ZNF316: variants seen among roughly 807,000 people sequenced by gnomAD.
ZNF316 encodes the protein zinc finger protein 316.
A neutral mutation model predicts 75.6 loss-of-function variants in ZNF316; 23 were observed. That is an observed-to-expected ratio of 0.30 (90% CI 0.22 to 0.43). The LOEUF (loss-of-function observed/expected upper bound fraction) is 0.43, where lower values mean the gene tolerates loss of function less well. Among genes scored for constraint, ZNF316 ranks in the 20% least tolerant of loss-of-function variants. The pLI is 1.00. For missense variants in ZNF316, 1,266 were observed against 1,409.4 expected, an observed-to-expected ratio of 0.90 and a Z score of 1.63; for synonymous variants, 827 against 666.2, an observed-to-expected ratio of 1.24 and a Z score of -3.72.
intron 8 of ZNF316, among the ~76,000 whole-genome samples, chr7:6,649,613 G>C (rs938881447): frequency 6.6e-6 from 1 of 152,144 alleles, no homozygotes; most frequent in East Asian, 1.9e-4. Flanking sequence ...GGGGCAGGCT[G>C]GTCTCCCTCT....
At position 6,642,417 on chromosome 7, in the gene ZNF316, C is replaced by T; in HGVS notation, c.8C>T (p.Ala3Val). ...GGCTCGCTCCCAGGGAGGATGGCGG[C>T]GCTCCACACGACTCCCGACTCCCCA... Reference protein sequence around the residue: MAALHTTPDSPAA... With the variant: MAVLHTTPDSPAA... The change falls in exon 5 of 9, where the codon GCG becomes GTG. Residue 3 changes from alanine (A) to valine (V), a missense_variant. Transcript: ENST00000382252. This position sits in a 1 kb window ranked among gnomAD's most constrained non-coding sequence, Gnocchi z 8.1. 4 of 1,232,108 alleles carry T rather than the reference C, an allele frequency of 3.2e-6. No homozygotes were observed. Among genetic ancestry groups the T allele is most frequent in the Non-Finnish European group, 4.0e-6 (4 of 988,074 alleles). The allele number at this position is 1,232,108 out of a possible 1,614,324, so 76.3% of individuals were successfully genotyped here. A position where few individuals can be genotyped will look rare whatever the true frequency, so the allele number is the denominator to read the frequency against.
In ZNF316 at chr7:6,654,590, C is replaced by T. The variant is rs1462269010; in HGVS notation, c.2994C>T (p.Ala998=). ...HQAAFAGPSG[A]YREGVL is the part of the protein sequence containing the mutation. ...CCGCGTTCGCCGGGCCCTCGGGCGCCTACCGGGAGGGCGTCCTGTGAGGGG... is the reference window on the plus strand; with the variant it reads ...CCGCGTTCGCCGGGCCCTCGGGCGCTTACCGGGAGGGCGTCCTGTGAGGGG... Residue 998 remains alanine (A), a synonymous_variant, in exon 9 of 9, where the codon GCC becomes GCT. Coordinates refer to ENST00000382252, the MANE Select transcript of ZNF316 (RefSeq NM_001278559.2). 2 of 1,186,632 alleles carry T rather than the reference C, an allele frequency of 1.7e-6. No individual in the cohort carries two copies. The highest frequency in any genetic ancestry group is 1.0e-6 in the Non-Finnish European group (1 of 959,092). The allele number at this position is 1,186,632 out of a possible 1,614,324, so 73.5% of individuals were successfully genotyped here. A position where few individuals can be genotyped will look rare whatever the true frequency, so the allele number is the denominator to read the frequency against.
At position 6,640,114 on chromosome 7, in the gene ZNF316, G is replaced by A. The variant is rs1437965579; in HGVS notation, c.-167+973G>A. On this transcript the variant is annotated intron_variant, in intron 3 of 8. Transcript: ENST00000382252. The surrounding 1 kb of genome is among the most constrained non-coding windows in gnomAD (Gnocchi z 5.1). ...CCCAGCCTTTGACTTGGGTGAGCCT[G>A]TGTGAATGCTCAGAGCTTCCTGGCT... 6.6e-6 allele frequency among the ~76,000 whole-genome samples: 1 copy of A among 152,196 alleles called. No individual in the cohort carries two copies. Among genetic ancestry groups the A allele is most frequent in the African/African-American group, 2.4e-5 (1 of 41,448 alleles).
At chr7:6,649,808 G>C (rs535056386) in intron 8 of ZNF316, among the ~76,000 whole-genome samples, 2 of 152,178 alleles carry the variant, frequency 1.3e-5, no homozygotes, top group Non-Finnish European at 2.9e-5. Flanking sequence ...GGCCATGCCA[G>C]CTCCAGAGCT....
chr7:6,645,579 G>A (rs939009843), intron 8 of ZNF316, among the ~76,000 whole-genome samples: 6 of 151,740 alleles, frequency 4.0e-5, no homozygotes, highest in African/African-American at 1.5e-4. Flanking sequence ...AGCTACTCGG[G>A]AGGCTGTGGC....
intron 6 of ZNF316, among the ~76,000 whole-genome samples, chr7:6,643,340 C>A (rs1407119668): frequency 1.3e-5 from 2 of 152,236 alleles, no homozygotes; most frequent in African/African-American, 2.4e-5. Flanking sequence ...ACAGCGACTT[C>A]AGAGGCCTGG....
At chr7:6,648,893 TC>T (rs1454708192) in intron 8 of ZNF316, among the ~76,000 whole-genome samples, 1 of 152,126 alleles carries the variant, frequency 6.6e-6, no homozygotes, top group Non-Finnish European at 1.5e-5. Flanking sequence ...AAGACGCCAC[TC>T]ATGCTAGGGA....
intron 8 of ZNF316, among the ~76,000 whole-genome samples, chr7:6,647,358 G>A (rs1002309510): frequency 2.0e-5 from 3 of 152,234 alleles, no homozygotes; most frequent in Non-Finnish European, 4.4e-5. Context: ...CCAATGTGTG[G>A]GGCCAGTGCC....
At chr7:6,649,535 C>A (rs576806318) in intron 8 of ZNF316, among the ~76,000 whole-genome samples, 2 of 152,300 alleles carry the variant, frequency 1.3e-5, no homozygotes, top group South Asian at 4.1e-4. Flanking sequence ...GGGCCTTGTC[C>A]CTGGAGCCCT....
In ZNF316 at chr7:6,644,559, T is replaced by C; in HGVS notation, c.672T>C (p.Pro224=). The C allele has an allele frequency of 8.1e-7, 1 of 1,232,370 alleles. No homozygotes were observed. Among genetic ancestry groups the C allele is most frequent in the Non-Finnish European group, 1.0e-6 (1 of 988,032 alleles). The allele number at this position is 1,232,370 out of a possible 1,614,324, so 76.3% of individuals were successfully genotyped here. Residue 224 remains proline, a synonymous_variant, in exon 8 of 9, where the codon CCT becomes CCC. Transcript: ENST00000382252. ...EEPWVPDSPR[P]EEGDIVTGVY... ...CTTGGGTCCCAGATAGTCCCCGACC[T>C]GAGGAAGGAGACATCGTCACTGGCG...
chr7:6,653,639 G>C lies in ZNF316; in HGVS notation c.2043G>C (p.Pro681=). Residue 681 remains proline, a synonymous_variant, in exon 9 of 9, where the codon CCG becomes CCC. Coordinates refer to ENST00000382252, the MANE Select transcript of ZNF316 (RefSeq NM_001278559.2). ...AIGGLLAEPA[P]AALAEEESPW... Reference sequence around the variant, plus strand: ...GGGGTCTGCTGGCGGAGCCCGCGCCGGCCGCGCTGGCGGAGGAGGAGAGCC... The same window carrying C: ...GGGGTCTGCTGGCGGAGCCCGCGCCCGCCGCGCTGGCGGAGGAGGAGAGCC... The C allele has an allele frequency of 9.4e-7, 1 of 1,065,430 alleles. No individual in the cohort carries two copies. Among genetic ancestry groups the C allele is most frequent in the Non-Finnish European group, 1.1e-6 (1 of 880,090 alleles). 66.0% of individuals were successfully genotyped at this position (1,065,430 alleles called of 1,614,324 possible). A position where few individuals can be genotyped will look rare whatever the true frequency, so the allele number is the denominator to read the frequency against.
intron 8 of ZNF316, among the ~76,000 whole-genome samples, 165 bp downstream of exon 8, chr7:6,644,758 G>A (rs932751653): frequency 9.9e-5 from 15 of 152,172 alleles, no homozygotes; most frequent in African/African-American, 3.6e-4. Flanking sequence ...AAAGGTCCGA[G>A]GGCTGTAAGG....
In ZNF316 at chr7:6,639,715, G is replaced by C. The variant is rs374768147; in HGVS notation, c.-167+574G>C. Among the ~76,000 whole-genome samples the C allele has an allele frequency of 2.0e-5, 3 of 152,346 alleles. No individual in the cohort carries two copies. The highest frequency in any genetic ancestry group is 3.9e-4 in the East Asian group (2 of 5,186). On this transcript the variant is annotated intron_variant, in intron 3 of 8. Coordinates refer to ENST00000382252, the MANE Select transcript of ZNF316 (RefSeq NM_001278559.2). The surrounding 1 kb of genome is among the most constrained non-coding windows in gnomAD (Gnocchi z 4.2). ...GAGCTTGGCATGGCACCTAGGCCCA[G>C]CCTGAATCTGCGGCCTGAGGCTTGA...
intron 8 of ZNF316, among the ~76,000 whole-genome samples, chr7:6,645,609 G>A (rs1283619326): frequency 3.3e-5 from 5 of 151,462 alleles, no homozygotes; most frequent in East Asian, 1.9e-4. Context: ...GCTTGAACCC[G>A]GGAGGCAGAG....
At chr7:6,644,011 T>C (rs1236297730) in intron 7 of ZNF316, 63 bp downstream of exon 7, 5 of 1,229,068 alleles carry the variant, frequency 4.1e-6, no homozygotes, top group Non-Finnish European at 4.1e-6. Context: ...GGGTCTTAGC[T>C]GTCTGACGGG....
chr7:6,645,993 C>CAAA lies in ZNF316; in HGVS notation c.706+1419_706+1421dup, dbSNP rs58670070. On this transcript the variant is annotated intron_variant, in intron 8 of 8. Coordinates refer to ENST00000382252, the MANE Select transcript of ZNF316 (RefSeq NM_001278559.2). Reference sequence around the variant, plus strand: ...TGGGTGACAGAGTGAGACGCCATCTCAAAAAAAAAAAAAAAAAAAAATCAG... The same window carrying CAAA: ...TGGGTGACAGAGTGAGACGCCATCTCAAAAAAAAAAAAAAAAAAAAAAAATCAG... Among the ~76,000 whole-genome samples, 619 of 98,698 alleles carry CAAA rather than the reference C, an allele frequency of 6.3e-3. 16 individuals carry two copies. The highest frequency in any genetic ancestry group is 0.016 in the Middle Eastern group (3 of 182). 64.7% of individuals were successfully genotyped at this position (98,698 alleles called of 152,430 possible).
chr7:6,638,328 CAGTG>C (rs1283084869), intron 2 of ZNF316, among the ~76,000 whole-genome samples: 4 of 152,136 alleles, frequency 2.6e-5, no homozygotes, highest in Non-Finnish European at 2.9e-5. Context: ...CGAGGACAGA[CAGTG>C]AGGACTGTGG....
At position 6,653,603 on chromosome 7, in the gene ZNF316, G is replaced by A; in HGVS notation, c.2007G>A (p.Gly669=). The change falls in exon 9 of 9, where the codon GGG becomes GGA. Residue 669 remains glycine (G), a synonymous_variant. Transcript: ENST00000382252. ...GCGGAGGCGGCCTGCGCGCGTTCGG[G>A]CCCGCCATCGGGGGTCTGCTGGCGG... ...AGGGGGLRAF[G]PAIGGLLAEP... 1 of 1,062,234 alleles carries A rather than the reference G, an allele frequency of 9.4e-7. No individual in the cohort carries two copies. The highest frequency in any genetic ancestry group is 1.1e-6 in the Non-Finnish European group (1 of 878,394). The allele number at this position is 1,062,234 out of a possible 1,614,324, so 65.8% of individuals were successfully genotyped here. A position where few individuals can be genotyped will look rare whatever the true frequency, so the allele number is the denominator to read the frequency against.
intron 8 of ZNF316, among the ~76,000 whole-genome samples, chr7:6,651,785 G>C (rs1247082814): frequency 2.0e-5 from 3 of 152,194 alleles, no homozygotes; most frequent in African/African-American, 4.8e-5. Context: ...AAAAAGCTTA[G>C]AGCTGACAAA....
Sources: gnomAD v4.1 joint callset for allele counts (sites outside exome capture counted in the v4.1 genomes callset) on GRCh38, gnomAD v4.1.1 for gene constraint, Gnocchi (gnomAD v3.1) non-coding constraint, MANE v1.5 for transcripts, NCBI Gene and HGNC (gene_info 2026-07-23, HGNC 2026-07-21) for gene names.